Variants in ACAP1 observed in about 807,000 individuals in gnomAD.
ACAP1 encodes the protein arf-GAP with coiled-coil, ANK repeat and PH domain-containing protein 1.
ACAP1 carries 45 observed loss-of-function variants against 98.8 expected under a neutral mutation model. The observed-to-expected ratio is 0.46, with a 90% CI of 0.36 to 0.58. ACAP1 has a LOEUF of 0.58. Ranked by LOEUF, ACAP1 falls within the 20% of genes least tolerant of loss-of-function variation. The pLI is 0.00. For synonymous variants in ACAP1, 362 were observed against 375.3 expected (o/e 0.96, Z 0.41); for missense variants, 735 against 971.4 (o/e 0.76, Z 3.24).
Position 7,343,305 on chromosome 17 carries a change from G to A in ACAP1, c.345-74G>A, listed in dbSNP as rs1347133252. 6 of 1,481,310 alleles carry A rather than the reference G, an allele frequency of 4.1e-6. No homozygotes were observed. The African/African-American group carries it at 5.6e-5, about 14-fold the overall frequency. 91.8% of individuals were successfully genotyped at this position (1,481,310 alleles called of 1,614,324 possible). ...CAGAGACTAACTGAAAGGACATGAG[G>A]GCTTTACCCTGGGAATGCTCTGCTG... On this transcript the variant is annotated intron_variant, in intron 5 of 21. Transcript: ENST00000158762. This position sits in a 1 kb window ranked among gnomAD's most constrained non-coding sequence, Gnocchi z 4.9.
At chr17:7,339,754 G>A (rs1049779423) in intron 2 of ACAP1, among the ~76,000 whole-genome samples, 5 of 152,152 alleles carry the variant, frequency 3.3e-5, no homozygotes, top group African/African-American at 1.2e-4. Flanking sequence ...ACTTTATCAC[G>A]TGTATGGATT....
Position 7,343,965 on chromosome 17 carries a change from C to T in ACAP1, c.669+9C>T, listed in dbSNP as rs761605561. 2 of 1,582,146 alleles carry T rather than the reference C, an allele frequency of 1.3e-6. No individual in the cohort carries two copies. The highest frequency in any genetic ancestry group is 1.7e-6 in the Non-Finnish European group (2 of 1,163,512). On this transcript the variant is annotated intron_variant, in intron 8 of 21. Coordinates refer to ENST00000158762, the MANE Select transcript of ACAP1 (RefSeq NM_014716.4). This position sits in a 1 kb window ranked among gnomAD's most constrained non-coding sequence, Gnocchi z 4.9. ...AGGAGCTGGGCGCCCAGGTGGGGCC[C>T]CAGGGCACAGCAGGTGGTAGAGGGA...
Position 7,342,168 on chromosome 17 carries a change from A to G in ACAP1, c.231+101A>G. On this transcript the variant is annotated intron_variant, in intron 3 of 21. Transcript: ENST00000158762. ...CTGGGGTCTGCAGGTTCCAGGCCAC[A>G]GCAGGGCTGGGCTGCTGTCCATGAC... The G allele has an allele frequency of 5.0e-6, 8 of 1,607,574 alleles. No homozygotes were observed. In the South Asian group the frequency reaches 5.5e-5, roughly 11 times the overall value.
rs539686138 is a variant in ACAP1 at position 7,343,208 on chromosome 17, C to T, written c.345-171C>T. The T allele has an allele frequency of 3.7e-5, 23 of 615,466 alleles. 1 individual carries two copies. Among genetic ancestry groups the T allele is most frequent in the South Asian group, 2.7e-4 (10 of 37,652 alleles). The allele number at this position is 615,466 out of a possible 1,614,324, so 38.1% of individuals were successfully genotyped here. ...ATGGCCACAGGAGCCTCCCCAGTGA[C>T]GGAGTTGTGAGATTGGGGGTTTCTG... On this transcript the variant is annotated intron_variant, in intron 5 of 21. Coordinates refer to ENST00000158762, the MANE Select transcript of ACAP1 (RefSeq NM_014716.4). The surrounding 1 kb of genome is among the most constrained non-coding windows in gnomAD (Gnocchi z 4.9).
chr17:7,342,120 T>C, intron 3 of ACAP1, 53 bp downstream of exon 3: 2 of 1,609,468 alleles, frequency 1.2e-6, no homozygotes, highest in Non-Finnish European at 1.7e-6. Flanking sequence ...GAGGAGGTGA[T>C]GCTGTGGAAG....
At position 7,344,139 on chromosome 17, in the gene ACAP1, C is replaced by T. The variant is rs572383059; in HGVS notation, c.744+16C>T. 2.6e-6 allele frequency: 4 copies of T among 1,556,968 alleles called. No individual in the cohort carries two copies. Among genetic ancestry groups the T allele is most frequent in the East Asian group, 2.4e-5 (1 of 41,224 alleles). ...GAAACAGAAGGTGAGGGGCCAGGTG[C>T]GGTGGCCCACGACCGTCATCCCAAC... On this transcript the variant is annotated intron_variant, in intron 9 of 21. Coordinates refer to ENST00000158762, the MANE Select transcript of ACAP1 (RefSeq NM_014716.4). This position sits in a 1 kb window ranked among gnomAD's most constrained non-coding sequence, Gnocchi z 4.9.
intron 17 of ACAP1, chr17:7,348,771 A>G (rs2143018176): frequency 1.7e-6 from 1 of 590,554 alleles, no homozygotes. Flanking sequence ...TGGTTGGACC[A>G]GATGAGGTGA....
chr17:7,343,599 C>T lies in ACAP1; in HGVS notation c.528+37C>T. 2 of 1,599,812 alleles carry T rather than the reference C, an allele frequency of 1.3e-6. No homozygotes were observed. The highest frequency in any genetic ancestry group is 8.5e-7 in the Non-Finnish European group (1 of 1,170,594). On this transcript the variant is annotated intron_variant, in intron 6 of 21. Transcript: ENST00000158762. The surrounding 1 kb of genome is among the most constrained non-coding windows in gnomAD (Gnocchi z 4.9). The stretch of plus-strand genomic sequence containing the variant: ...AATCTGTCTTCCTGGGGTACCAGAG[C>T]CTCAAGTGTCACCTCGAGGCTTGGG...
intron 2 of ACAP1, among the ~76,000 whole-genome samples, chr17:7,338,513 G>C (rs1006151120): frequency 6.6e-6 from 1 of 151,760 alleles, no homozygotes; most frequent in African/African-American, 2.4e-5. Context: ...TCTACCTGCC[G>C]CAGCCTCCCA....
chr17:7,348,132 G>A lies in ACAP1; in HGVS notation c.1419G>A (p.Met473Ile). Residue 473 changes from methionine (M) to isoleucine (I), a missense_variant, in exon 16 of 22, where the codon ATG (methionine) becomes ATA (isoleucine). This residue lies in a region of ACAP1 where 81 missense variants were observed against 132.0 expected (regional missense o/e 0.61). Coordinates refer to ENST00000158762, the MANE Select transcript of ACAP1 (RefSeq NM_014716.4). The part of the protein sequence containing the change: ...DSWEPELVKL[M>I]CELGNVIINQ... ...TCTGCCTGGGCCTCCTGAAGCTCAT[G>A]TGTGAGCTGGGAAATGTCATCATCA... 1 of 1,614,060 alleles carries A rather than the reference G, an allele frequency of 6.2e-7. No individual in the cohort carries two copies. Among genetic ancestry groups the A allele is most frequent in the Non-Finnish European group, 8.5e-7 (1 of 1,179,944 alleles).
intron 16 of ACAP1, 40 bp downstream of exon 16, chr17:7,348,261 C>G (rs2073366729): frequency 1.1e-5 from 17 of 1,610,630 alleles, no homozygotes; most frequent in Middle Eastern, 3.3e-4. Flanking sequence ...ATGGGGGACC[C>G]CTGGAGCAGA....
chr17:7,337,542 C>T (rs2073233298), intron 2 of ACAP1, among the ~76,000 whole-genome samples, 173 bp downstream of exon 2: 1 of 152,174 alleles, frequency 6.6e-6, no homozygotes, highest in Non-Finnish European at 1.5e-5. Context: ...ACAAGAAGCT[C>T]AGGATCTTGG....
rs1254151844 is a variant in ACAP1 at position 7,351,440 on chromosome 17, G to C, written c.*45G>C. ...GCGCCTGCCTCCCTTCCCCGCCACC[G>C]GGCCCTCTGCCATTAAAGCCTCCGT... On this transcript the variant is annotated 3_prime_UTR_variant, in exon 22 of 22. Transcript: ENST00000158762. 1 of 1,437,302 alleles carries C rather than the reference G, an allele frequency of 7.0e-7. No individual in the cohort carries two copies. The allele number at this position is 1,437,302 out of a possible 1,614,324, so 89.0% of individuals were successfully genotyped here.
At chr17:7,346,322 T>G (rs755658154) in intron 11 of ACAP1, 27 bp downstream of exon 11, 2 of 1,613,846 alleles carry the variant, frequency 1.2e-6, no homozygotes, top group African/African-American at 2.7e-5. Context: ...CCTGGATGCC[T>G]GGGCCCCAGG....
chr17:7,351,188 TC>T, intron 21 of ACAP1, 106 bp from the exon 22 acceptor site: 1 of 1,149,020 alleles, frequency 8.7e-7, no homozygotes, highest in Non-Finnish European at 1.3e-6. Context: ...GCGCGCACGT[TC>T]CCACCCAGGC....
chr17:7,350,943 T>G lies in ACAP1; in HGVS notation c.2073-7T>G. On this transcript the variant is annotated splice_polypyrimidine_tract_variant and splice_region_variant and intron_variant, in intron 20 of 21. Coordinates refer to ENST00000158762, the MANE Select transcript of ACAP1 (RefSeq NM_014716.4). This position sits in a 1 kb window ranked among gnomAD's most constrained non-coding sequence, Gnocchi z 4.6. ...TGTCGTTCATTTCTTAATTCCCTCC[T>G]CTTCAGGCTACGACTGGCAAAGATG... 6.2e-7 allele frequency: 1 copy of G among 1,606,380 alleles called. No homozygotes were observed. Among genetic ancestry groups the G allele is most frequent in the East Asian group, 2.3e-5 (1 of 44,050 alleles).
chr17:7,348,560 G>T (rs1477469072), intron 17 of ACAP1, 85 bp downstream of exon 17: 2 of 1,377,348 alleles, frequency 1.5e-6, no homozygotes, highest in East Asian at 5.2e-5. Flanking sequence ...AGAGTGTGAA[G>T]CCCAGGCCTT....
chr17:7,348,841 A>C (rs149477641), intron 17 of ACAP1, 154 bp from the exon 18 acceptor site: 2 of 710,982 alleles, frequency 2.8e-6, no homozygotes, highest in South Asian at 1.8e-5. Context: ...ATACTTACAC[A>C]TACCCACACT....
intron 2 of ACAP1, among the ~76,000 whole-genome samples, chr17:7,341,032 T>C (rs924897406): frequency 1.4e-4 from 21 of 152,130 alleles, no homozygotes; most frequent in African/African-American, 4.6e-4. Context: ...GCCCCAGGAG[T>C]ACCCCGGCAT....
Sources: allele counts gnomAD v4.1 joint callset (sites outside exome capture counted in the v4.1 genomes callset), GRCh38; gene constraint gnomAD v4.1.1; regional missense constraint gnomAD v4.1.1; non-coding constraint Gnocchi (gnomAD v3.1); transcripts MANE v1.5; gene names NCBI Gene and HGNC (gene_info 2026-07-23, HGNC 2026-07-21).